The following TMEM132C variants were observed in gnomAD, a reference collection of about 807,000 sequenced individuals.
The protein encoded by TMEM132C is protein phosphatase 1, regulatory subunit 152.
A neutral mutation model predicts 61.4 loss-of-function variants in TMEM132C; 29 were observed. The observed-to-expected ratio is 0.47, with a 90% CI of 0.35 to 0.64. The LOEUF (loss-of-function observed/expected upper bound fraction) is 0.64. Ranked by LOEUF, TMEM132C falls within the 30% of genes least tolerant of loss-of-function variation. TMEM132C has a pLI of 0.00. For synonymous variants in TMEM132C, 656 were observed against 633.1 expected (o/e 1.04, Z -0.54); for missense variants, 1,408 against 1,476.9 (o/e 0.95, Z 0.76).
At chr12:128,279,966 C>T (rs1200874800) in intron 1 of TMEM132C, among the ~76,000 whole-genome samples, 1 of 152,076 alleles carries the variant, frequency 6.6e-6, no homozygotes, top group African/African-American at 2.4e-5. Context: ...GGTGAGGCCC[C>T]GAATGCTTGA....
chr12:128,282,029 A>G (rs1029961643), intron 1 of TMEM132C, among the ~76,000 whole-genome samples: 6 of 152,202 alleles, frequency 3.9e-5, no homozygotes, highest in Non-Finnish European at 7.3e-5. Flanking sequence ...ATAGTGGAAA[A>G]TGGCTGGAGT....
At chr12:128,660,498 A>T (rs929913201) in intron 4 of TMEM132C, among the ~76,000 whole-genome samples, 1 of 152,180 alleles carries the variant, frequency 6.6e-6, no homozygotes, top group African/African-American at 2.4e-5. Flanking sequence ...GTCCACTTTG[A>T]TCCACTTAGA....
chr12:128,349,968 G>C (rs1053514760), intron 1 of TMEM132C, among the ~76,000 whole-genome samples: 3 of 151,790 alleles, frequency 2.0e-5, no homozygotes, highest in Admixed American at 2.0e-4. Flanking sequence ...TGTGATTTCA[G>C]CTTAAAAATT....
intron 2 of TMEM132C, among the ~76,000 whole-genome samples, chr12:128,419,403 T>C (rs1868904633): frequency 6.6e-6 from 1 of 152,190 alleles, no homozygotes; most frequent in Non-Finnish European, 1.5e-5. Flanking sequence ...TTCTGTGTGT[T>C]GGCTCACAGC....
At chr12:128,412,569 T>C (rs1868597458) in intron 1 of TMEM132C, among the ~76,000 whole-genome samples, 1 of 152,190 alleles carries the variant, frequency 6.6e-6, no homozygotes, top group African/African-American at 2.4e-5. Flanking sequence ...TGAGTAAGTC[T>C]CACAAGATCT....
intron 5 of TMEM132C, among the ~76,000 whole-genome samples, chr12:128,688,896 C>T (rs1043507237): frequency 6.6e-6 from 1 of 152,100 alleles, no homozygotes; most frequent in Non-Finnish European, 1.5e-5. Context: ...CAGGTTCAAG[C>T]GATTCTCCTG....
chr12:128,462,564 G>A (rs1246144941), intron 2 of TMEM132C, among the ~76,000 whole-genome samples: 5 of 152,276 alleles, frequency 3.3e-5, no homozygotes, highest in African/African-American at 9.6e-5. Flanking sequence ...ACTTCACCAC[G>A]GTGAAGACAT....
At chr12:128,406,979 A>G (rs1418004118) in intron 1 of TMEM132C, among the ~76,000 whole-genome samples, 3 of 152,210 alleles carry the variant, frequency 2.0e-5, no homozygotes, top group African/African-American at 7.2e-5. Context: ...ATGATACCCC[A>G]TAAGATTGTT....
chr12:128,636,746 C>A (rs1954107457), intron 4 of TMEM132C, among the ~76,000 whole-genome samples: 1 of 152,130 alleles, frequency 6.6e-6, no homozygotes, highest in Non-Finnish European at 1.5e-5. Context: ...ACTTTACACC[C>A]ATTGAGCGAC....
chr12:128,277,022 A>G (rs1870716616), intron 1 of TMEM132C, among the ~76,000 whole-genome samples: 1 of 152,196 alleles, frequency 6.6e-6, no homozygotes, highest in African/African-American at 2.4e-5. Flanking sequence ...GCCCTAAACA[A>G]GGTATTCCTG....
intron 1 of TMEM132C, among the ~76,000 whole-genome samples, chr12:128,378,719 C>G (rs1366415717): frequency 1.3e-5 from 2 of 152,158 alleles, no homozygotes; most frequent in Non-Finnish European, 2.9e-5. Flanking sequence ...GGGCTCTCCT[C>G]TGCTCGGGAC....
intron 2 of TMEM132C, among the ~76,000 whole-genome samples, chr12:128,427,487 A>G (rs1302620150): frequency 6.7e-6 from 1 of 149,596 alleles, no homozygotes; most frequent in Non-Finnish European, 1.5e-5. Context: ...ACACAAGAGG[A>G]GGATGCAGTG....
intron 2 of TMEM132C, among the ~76,000 whole-genome samples, chr12:128,424,208 C>T (rs1442900128): frequency 6.6e-6 from 1 of 152,136 alleles, no homozygotes; most frequent in Non-Finnish European, 1.5e-5. Flanking sequence ...AAACGCCAAT[C>T]ATGGCTGCTC....
intron 8 of TMEM132C, among the ~76,000 whole-genome samples, chr12:128,697,620 T>C (rs1050567518): frequency 2.0e-4 from 30 of 152,124 alleles, no homozygotes; most frequent in African/African-American, 7.0e-4. Flanking sequence ...CCTCACCAAG[T>C]CTCTTGGCTG....
intron 1 of TMEM132C, among the ~76,000 whole-genome samples, chr12:128,301,126 A>G (rs1871583252): frequency 6.6e-6 from 1 of 152,146 alleles, no homozygotes; most frequent in South Asian, 2.1e-4. Flanking sequence ...ACAAACAATG[A>G]ATGGAGGAGA....
intron 1 of TMEM132C, among the ~76,000 whole-genome samples, chr12:128,401,335 A>G (rs1475304375): frequency 6.6e-6 from 1 of 152,162 alleles, no homozygotes; most frequent in Admixed American, 6.5e-5. Context: ...GATAACCTTC[A>G]TATGTACATA....
At chr12:128,519,379 A>T (rs1483224733) in intron 2 of TMEM132C, among the ~76,000 whole-genome samples, 1 of 152,214 alleles carries the variant, frequency 6.6e-6, no homozygotes, top group African/African-American at 2.4e-5. Context: ...TGAATGAACC[A>T]CGATAAGTTG....
intron 4 of TMEM132C, among the ~76,000 whole-genome samples, chr12:128,636,331 C>T (rs1466547025): frequency 2.6e-5 from 4 of 152,096 alleles, no homozygotes; most frequent in South Asian, 4.1e-4. Context: ...AGGTAACAGG[C>T]GTGAACTGCC....
At chr12:128,508,162 C>G (rs142328511) in intron 2 of TMEM132C, among the ~76,000 whole-genome samples, 78 of 152,178 alleles carry the variant, frequency 5.1e-4, no homozygotes, top group African/African-American at 1.8e-3. Context: ...GGAGGCCTCA[C>G]GATCATGGCA....
Sources: gnomAD v4.1 joint callset for allele counts (sites outside exome capture counted in the v4.1 genomes callset) on GRCh38, gnomAD v4.1.1 for gene constraint, MANE v1.5 for transcripts, NCBI Gene and HGNC (gene_info 2026-07-23, HGNC 2026-07-21) for gene names.